Variants in KCNQ1 observed in about 807,000 individuals in gnomAD.
KCNQ1 encodes the protein potassium voltage-gated channel subfamily Q member 1, also known as potassium voltage-gated channel subfamily KQT member 1.
A neutral mutation model predicts 72.4 loss-of-function variants in KCNQ1; 49 were observed. The ratio of observed to expected loss-of-function variants is 0.68; its 90% CI spans 0.54 to 0.86. The LOEUF (loss-of-function observed/expected upper bound fraction) is 0.86. KCNQ1 is among the 40% of genes least tolerant of loss of function. KCNQ1 has a pLI of 0.00. For missense variants in KCNQ1, 790 were observed against 945.1 expected (o/e 0.84, Z 2.15); for synonymous variants, 450 against 412.6 (o/e 1.09, Z -1.10).
chr11:2,460,750 G>A (rs1589892156), intron 1 of KCNQ1, among the ~76,000 whole-genome samples: 1 of 152,366 alleles, frequency 6.6e-6, no homozygotes, highest in Non-Finnish European at 1.5e-5. Flanking sequence ...GGCTGTGGCC[G>A]AGGCCCTTAT....
chr11:2,501,993 C>T (rs559906705), intron 1 of KCNQ1, among the ~76,000 whole-genome samples: 1 of 152,226 alleles, frequency 6.6e-6, no homozygotes, highest in Admixed American at 6.5e-5. Context: ...TAAAATTCCA[C>T]ATCCCTTCAA....
rs1436801925 is a variant in KCNQ1, at chr11:2,827,723, C to A, written c.1795-20044C>A. 6.6e-6 allele frequency among the ~76,000 whole-genome samples: 1 copy of A among 151,958 alleles called. No individual in the cohort carries two copies. The highest frequency in any genetic ancestry group is 2.1e-4 in the South Asian group (1 of 4,816). Reference sequence around the variant, plus strand: ...TTCCACATGTGGCTTGGAGGCCAGACCAGAAGGACTCAGATAGGAGTTGGG... The same window carrying A: ...TTCCACATGTGGCTTGGAGGCCAGAACAGAAGGACTCAGATAGGAGTTGGG... On this transcript the variant is annotated intron_variant, in intron 15 of 15. Coordinates refer to ENST00000155840, the MANE Select transcript of KCNQ1 (RefSeq NM_000218.3). This position sits in a 1 kb window ranked among gnomAD's most constrained non-coding sequence, Gnocchi z 6.7.
rs192566252 is a variant in KCNQ1 at position 2,621,432 on chromosome 11, A to G, written c.1393+32578A>G. ...GTTGATTGGTTTAAGTTCCTTATGG[A>G]TTCTGGACATAGGACCTTTGCCAGA... On this transcript the variant is annotated intron_variant, in intron 10 of 15. Transcript: ENST00000155840. This position sits in a 1 kb window ranked among gnomAD's most constrained non-coding sequence, Gnocchi z 5.7. The G allele has an allele frequency of 1.8e-4, 70 of 398,606 alleles. No homozygotes were observed. The highest frequency in any genetic ancestry group is 1.3e-5 in the Non-Finnish European group (3 of 226,060). 24.7% of individuals were successfully genotyped at this position (398,606 alleles called of 1,614,324 possible).
Position 2,620,805 on chromosome 11 carries a change from C to T in KCNQ1, c.1393+31951C>T, listed in dbSNP as rs1849156707. The T allele has an allele frequency of 2.5e-6, 1 of 398,470 alleles. No individual in the cohort carries two copies. The highest frequency in any genetic ancestry group is 3.6e-5 in the East Asian group (1 of 28,086). 24.7% of individuals were successfully genotyped at this position (398,470 alleles called of 1,614,324 possible). ...TGGCTGAACTAATTTGTATTCCTGC[C>T]AACAGTGTATAAGCGTTCCCTTTTC... is the stretch of plus-strand genomic sequence containing the variant. On this transcript the variant is annotated intron_variant, in intron 10 of 15. Coordinates refer to ENST00000155840, the MANE Select transcript of KCNQ1 (RefSeq NM_000218.3). The surrounding 1 kb of genome is among the most constrained non-coding windows in gnomAD (Gnocchi z 4.5).
intron 15 of KCNQ1, among the ~76,000 whole-genome samples, chr11:2,823,503 A>G (rs1847780825): frequency 1.3e-5 from 2 of 152,208 alleles, no homozygotes; most frequent in Admixed American, 6.5e-5. Flanking sequence ...AGGCACCAAC[A>G]ACAAGGAGGC....
At chr11:2,728,114 AG>A (rs1159510746) in intron 11 of KCNQ1, among the ~76,000 whole-genome samples, 1 of 152,060 alleles carries the variant, frequency 6.6e-6, no homozygotes, top group Non-Finnish European at 1.5e-5. Flanking sequence ...GTTCTTGCCC[AG>A]GGCCTTTGCA....
Position 2,543,944 on chromosome 11 carries a change from C to T in KCNQ1, c.477+15926C>T, listed in dbSNP as rs1283332217. Among the ~76,000 whole-genome samples the T allele has an allele frequency of 1.3e-5, 2 of 152,130 alleles. No individual in the cohort carries two copies. Among genetic ancestry groups the T allele is most frequent in the Non-Finnish European group, 2.9e-5 (2 of 68,026 alleles). On this transcript the variant is annotated intron_variant, in intron 2 of 15. Transcript: ENST00000155840. The surrounding 1 kb of genome is among the most constrained non-coding windows in gnomAD (Gnocchi z 5.6). Reference sequence around the variant, plus strand: ...TCTTTCTGGACACTCTACTGTGATCCGTTGATCTGTCCTTTTGCCAGTCAC... The same window carrying T: ...TCTTTCTGGACACTCTACTGTGATCTGTTGATCTGTCCTTTTGCCAGTCAC...
Position 2,744,001 on chromosome 11 carries a change from G to C in KCNQ1, c.1515-24843G>C, listed in dbSNP as rs527283390. On this transcript the variant is annotated intron_variant, in intron 11 of 15. Transcript: ENST00000155840. ...CTGATCCGGGGCCTCTTGACTGCAGGTCTCTCGTGGGCTCTCAGCCCCAGG... is the reference window on the plus strand; with the variant it reads ...CTGATCCGGGGCCTCTTGACTGCAGCTCTCTCGTGGGCTCTCAGCCCCAGG... Among the ~76,000 whole-genome samples the C allele has an allele frequency of 3.9e-5, 6 of 152,302 alleles. No individual in the cohort carries two copies. In the East Asian group the frequency reaches 1.2e-3, roughly 29 times the overall value.
intron 1 of KCNQ1, among the ~76,000 whole-genome samples, chr11:2,472,344 GTGTT>G (rs934264818): frequency 9.9e-5 from 15 of 151,258 alleles, no homozygotes; most frequent in East Asian, 7.8e-4. Context: ...ATGTCTGTGT[GTGTT>G]TGTGGGTGTG....
chr11:2,833,344 C>G (rs112515846), intron 15 of KCNQ1, among the ~76,000 whole-genome samples: 1,746 of 152,326 alleles, frequency 0.011, 34 homozygotes, highest in African/African-American at 0.04. Flanking sequence ...GTCCTCCCCC[C>G]ACCTGCCCAC....
Position 2,568,260 on chromosome 11 carries a change from G to A in KCNQ1, c.478-2368G>A, listed in dbSNP as rs186215592. On this transcript the variant is annotated intron_variant, in intron 2 of 15. Transcript: ENST00000155840. ...TGCACTCCAGCCTGGGTGACAGAGC[G>A]AGACTCTGTCTCATAAATAAATAAA... Among the ~76,000 whole-genome samples, 216 of 147,864 alleles carry A rather than the reference G, an allele frequency of 1.5e-3. 3 individuals carry two copies. Among genetic ancestry groups the A allele is most frequent in the Admixed American group, 0.013 (183 of 14,582 alleles).
In KCNQ1 at chr11:2,653,286, G is replaced by A. The variant is rs1203149965; in HGVS notation, c.1394-8675G>A. ...TCTGCCCTGAAAACTAGTGGGGGCAGTGCAGACCAGTTTAGCTATTTTGTA... is the reference window on the plus strand; with the variant it reads ...TCTGCCCTGAAAACTAGTGGGGGCAATGCAGACCAGTTTAGCTATTTTGTA... On this transcript the variant is annotated intron_variant, in intron 10 of 15. Coordinates refer to ENST00000155840, the MANE Select transcript of KCNQ1 (RefSeq NM_000218.3). The surrounding 1 kb of genome is among the most constrained non-coding windows in gnomAD (Gnocchi z 5.3). 3 of 398,646 alleles carry A rather than the reference G, an allele frequency of 7.5e-6. No homozygotes were observed. The highest frequency in any genetic ancestry group is 1.3e-5 in the Non-Finnish European group (3 of 226,156). 24.7% of individuals were successfully genotyped at this position (398,646 alleles called of 1,614,324 possible). A position where few individuals can be genotyped will look rare whatever the true frequency, so the allele number is the denominator to read the frequency against.
chr11:2,807,990 C>T (rs1847413828), intron 15 of KCNQ1, among the ~76,000 whole-genome samples: 1 of 152,328 alleles, frequency 6.6e-6, no homozygotes, highest in Admixed American at 6.5e-5. Flanking sequence ...GAGACAGGAA[C>T]GGTCTCTCTG....
At chr11:2,791,616 G>A (rs944184591) in intron 15 of KCNQ1, among the ~76,000 whole-genome samples, 3 of 152,126 alleles carry the variant, frequency 2.0e-5, no homozygotes, top group Admixed American at 6.5e-5. Context: ...GGGGCGAACC[G>A]GCGGCACAGG....
intron 11 of KCNQ1, among the ~76,000 whole-genome samples, chr11:2,702,692 TC>T (rs901710959): frequency 6.6e-6 from 1 of 152,114 alleles, no homozygotes; most frequent in Non-Finnish European, 1.5e-5. Flanking sequence ...CTTGGATTTT[TC>T]CCTGACAAAT....
rs1846125663 is a variant in KCNQ1 at position 2,745,605 on chromosome 11, T to G, written c.1515-23239T>G. 6.6e-6 allele frequency among the ~76,000 whole-genome samples: 1 copy of G among 152,236 alleles called. No individual in the cohort carries two copies. Among genetic ancestry groups the G allele is most frequent in the Non-Finnish European group, 1.5e-5 (1 of 68,044 alleles). ...CCCATTCCCCAGCCCCTAATGTTCTTGCCTCATGTCTTCAGGTGCGGGGCT... is the reference window on the plus strand; with the variant it reads ...CCCATTCCCCAGCCCCTAATGTTCTGGCCTCATGTCTTCAGGTGCGGGGCT... On this transcript the variant is annotated intron_variant, in intron 11 of 15. Transcript: ENST00000155840. The surrounding 1 kb of genome is among the most constrained non-coding windows in gnomAD (Gnocchi z 6.2).
intron 6 of KCNQ1, 48 bp downstream of exon 6, chr11:2,573,034 G>T: frequency 1.3e-6 from 2 of 1,595,550 alleles, no homozygotes; most frequent in South Asian, 1.1e-5. Flanking sequence ...CTCAGGCTGA[G>T]GAGTGGGCAG....
chr11:2,469,783 C>T (rs1457015487), intron 1 of KCNQ1, among the ~76,000 whole-genome samples: 1 of 152,176 alleles, frequency 6.6e-6, no homozygotes, highest in Admixed American at 6.5e-5. Context: ...ATGCCATTCT[C>T]CTGCCTCAGC....
Position 2,695,649 on chromosome 11 carries a change from A to G in KCNQ1, c.1514+33568A>G, listed in dbSNP as rs566327250. 6 of 398,558 alleles carry G rather than the reference A, an allele frequency of 1.5e-5. No homozygotes were observed. Among genetic ancestry groups the G allele is most frequent in the South Asian group, 1.3e-4 (1 of 7,848 alleles). The allele number at this position is 398,558 out of a possible 1,614,324, so 24.7% of individuals were successfully genotyped here. On this transcript the variant is annotated intron_variant, in intron 11 of 15. Coordinates refer to ENST00000155840, the MANE Select transcript of KCNQ1 (RefSeq NM_000218.3). This position sits in a 1 kb window ranked among gnomAD's most constrained non-coding sequence, Gnocchi z 5.2. ...AGGGAAACTGCTGGGCCACAGGTAT[A>G]AAATATTTTATTTGAGGAAGAAGTG...
Sources: allele counts gnomAD v4.1 joint callset (sites outside exome capture counted in the v4.1 genomes callset), GRCh38; gene constraint gnomAD v4.1.1; non-coding constraint Gnocchi (gnomAD v3.1); transcripts MANE v1.5; gene names NCBI Gene and HGNC (gene_info 2026-07-23, HGNC 2026-07-21).